RCAN1: variants seen among roughly 807,000 people sequenced by gnomAD.
RCAN1 encodes calcipressin-1.
Under a neutral mutation model 22.9 loss-of-function variants are expected in RCAN1, and 11 were observed. The ratio of observed to expected loss-of-function variants is 0.48; its 90% CI spans 0.30 to 0.79. The LOEUF (loss-of-function observed/expected upper bound fraction) is 0.79, where lower values mean the gene tolerates loss of function less well. Ranked by LOEUF, RCAN1 falls within the 30% of genes least tolerant of loss-of-function variation. The pLI is 0.06. For synonymous variants in RCAN1, 136 were observed against 142.3 expected, an observed-to-expected ratio of 0.96 and a Z score of 0.32; for missense variants, 291 against 337.8, an observed-to-expected ratio of 0.86 and a Z score of 1.09.
intron 1 of RCAN1, among the ~76,000 whole-genome samples, chr21:34,563,638 G>A (rs1986874341): frequency 6.6e-6 from 1 of 151,486 alleles, no homozygotes; most frequent in Non-Finnish European, 1.5e-5. Flanking sequence ...GCCAGGCACG[G>A]TGGCTCATGT....
At chr21:34,539,681 C>T (rs925520722) in intron 1 of RCAN1, among the ~76,000 whole-genome samples, 1 of 152,164 alleles carries the variant, frequency 6.6e-6, no homozygotes, top group African/African-American at 2.4e-5. Context: ...ATCGACTTTG[C>T]CTGTTTTTGT....
intron 1 of RCAN1, among the ~76,000 whole-genome samples, chr21:34,589,698 A>G (rs1987907956): frequency 8.1e-6 from 1 of 123,326 alleles, no homozygotes; most frequent in Non-Finnish European, 1.8e-5. Context: ...AACAAAAGGC[A>G]GGAGAACAAA....
intron 1 of RCAN1, among the ~76,000 whole-genome samples, chr21:34,601,495 T>C (rs547074440): frequency 6.6e-6 from 1 of 152,262 alleles, no homozygotes; most frequent in Non-Finnish European, 1.5e-5. Flanking sequence ...AGAACAACTC[T>C]AAACTAAGGT....
chr21:34,614,821 A>G lies in RCAN1; in HGVS notation c.191T>C (p.Leu64Pro). Residue 64 changes from leucine (L) to proline (P), a missense_variant, in exon 1 of 4, where the codon CTG becomes CCG. Leu to Pro is a moderately conservative substitution (Grantham distance 98, BLOSUM62 -3). Transcript: ENST00000313806. The surrounding 1 kb of genome is among the most constrained non-coding windows in gnomAD (Gnocchi z 6.0). ...CEMEEVDLQDLPSATIACHLD... is the reference protein window; with the variant it reads ...CEMEEVDLQDPPSATIACHLD... The stretch of plus-strand genomic sequence containing the variant: ...GTGACAGGCGATGGTGGCGCTGGGC[A>G]GGTCCTGCAGGTCCACCTCCTCCAT... 6.7e-7 allele frequency: 1 copy of G among 1,488,498 alleles called. No homozygotes were observed. The highest frequency in any genetic ancestry group is 8.9e-7 in the Non-Finnish European group (1 of 1,117,646). 92.2% of individuals were successfully genotyped at this position (1,488,498 alleles called of 1,614,324 possible).
chr21:34,521,929 G>A (rs6517238), intron 2 of RCAN1: 154,238 of 420,488 alleles, frequency 0.37, 29,610 homozygotes, highest in East Asian at 0.58. Context: ...TGACCTAGAT[G>A]GACAGAAAAT....
intron 2 of RCAN1, 150 bp downstream of exon 2, chr21:34,523,387 A>G: frequency 1.4e-6 from 1 of 717,430 alleles, no homozygotes; most frequent in East Asian, 2.8e-5. Context: ...AACAAGTGAG[A>G]CGCTGAACAT....
intron 1 of RCAN1, among the ~76,000 whole-genome samples, chr21:34,604,416 G>A (rs2123730019): frequency 6.6e-6 from 1 of 152,294 alleles, no homozygotes; most frequent in African/African-American, 2.4e-5. Context: ...ACAGGGATAA[G>A]CCACAGCACC....
chr21:34,531,677 C>T (rs774105154), intron 1 of RCAN1, among the ~76,000 whole-genome samples: 11 of 152,288 alleles, frequency 7.2e-5, no homozygotes, highest in Non-Finnish European at 1.6e-4. Flanking sequence ...TGTTCAAGGT[C>T]GTCTTGTGTC....
rs190155492 is a variant in RCAN1 at position 34,567,293 on chromosome 21, G to A, written c.253-43583C>T. ...GGAGGATCAGGAGGTCAGGAGAATC[G>A]AGACCATCCAGGCTAACATGGTGAA... On this transcript the variant is annotated intron_variant, in intron 1 of 3. Coordinates refer to ENST00000313806, the MANE Select transcript of RCAN1 (RefSeq NM_004414.7). Among the ~76,000 whole-genome samples, 323 of 152,222 alleles carry A rather than the reference G, an allele frequency of 2.1e-3. 3 individuals are homozygous for A. The highest frequency in any genetic ancestry group is 4.3e-3 in the Admixed American group (66 of 15,294).
intron 1 of RCAN1, among the ~76,000 whole-genome samples, chr21:34,547,827 C>T (rs998806066): frequency 2.6e-5 from 4 of 152,210 alleles, no homozygotes; most frequent in African/African-American, 7.2e-5. Flanking sequence ...TTAGACTTTT[C>T]AGCTTCCAGA....
rs776628545 is a variant in RCAN1 at position 34,521,457 on chromosome 21, G to A, written c.586+42C>T. On this transcript the variant is annotated intron_variant, in intron 3 of 3. Coordinates refer to ENST00000313806, the MANE Select transcript of RCAN1 (RefSeq NM_004414.7). The stretch of plus-strand genomic sequence containing the variant: ...TGCTCCCTGGTGCAGGGCAGCAGCT[G>A]TGTCTCCCCCTGCCTCCCTCCCACC... The A allele has an allele frequency of 9.3e-6, 15 of 1,613,370 alleles. No individual in the cohort carries two copies. In the Admixed American group the frequency reaches 1.5e-4, roughly 16 times the overall value.
At chr21:34,607,688 C>A (rs913142661) in intron 1 of RCAN1, among the ~76,000 whole-genome samples, 4 of 149,774 alleles carry the variant, frequency 2.7e-5, no homozygotes, top group Non-Finnish European at 5.9e-5. Flanking sequence ...TCTTAATATG[C>A]ATTTCTAAAC....
At chr21:34,600,439 G>A (rs975590723) in intron 1 of RCAN1, among the ~76,000 whole-genome samples, 8 of 152,096 alleles carry the variant, frequency 5.3e-5, no homozygotes, top group Non-Finnish European at 1.2e-4. Context: ...TTTCTGAAAA[G>A]GTCTGTTTTT....
chr21:34,595,983 G>T (rs960168681), intron 1 of RCAN1, among the ~76,000 whole-genome samples: 4 of 152,198 alleles, frequency 2.6e-5, no homozygotes, highest in African/African-American at 9.7e-5. Flanking sequence ...GAGCAGAGGG[G>T]GCCCTTCCTG....
At chr21:34,608,766 C>T (rs938997364) in intron 1 of RCAN1, among the ~76,000 whole-genome samples, 4 of 152,042 alleles carry the variant, frequency 2.6e-5, no homozygotes, top group African/African-American at 9.7e-5. Flanking sequence ...ATATACAGAC[C>T]CAATCACTCT....
At chr21:34,554,323 T>C (rs749969116) in intron 1 of RCAN1, among the ~76,000 whole-genome samples, 2 of 152,244 alleles carry the variant, frequency 1.3e-5, no homozygotes, top group Non-Finnish European at 1.5e-5. Context: ...AACTACCTAC[T>C]AGCAAGTCAT....
chr21:34,569,301 G>T (rs1422528029), intron 1 of RCAN1, among the ~76,000 whole-genome samples: 3 of 152,220 alleles, frequency 2.0e-5, no homozygotes, highest in African/African-American at 2.4e-5. Context: ...CAAGTGCAGA[G>T]AGAGAATTTT....
intron 1 of RCAN1, among the ~76,000 whole-genome samples, chr21:34,575,957 A>G (rs1316261374): frequency 6.6e-6 from 1 of 152,192 alleles, no homozygotes; most frequent in Non-Finnish European, 1.5e-5. Flanking sequence ...GTCTAGCACT[A>G]GAGTCTGGGT....
At chr21:34,539,711 G>A (rs1985837389) in intron 1 of RCAN1, among the ~76,000 whole-genome samples, 1 of 152,192 alleles carries the variant, frequency 6.6e-6, no homozygotes, top group South Asian at 2.1e-4. Context: ...TGGTATCACG[G>A]CTTTTAATAT....
Sources: gnomAD v4.1 joint callset for allele counts (sites outside exome capture counted in the v4.1 genomes callset) on GRCh38, gnomAD v4.1.1 for gene constraint, Gnocchi (gnomAD v3.1) non-coding constraint, MANE v1.5 for transcripts, NCBI Gene and HGNC (gene_info 2026-07-23, HGNC 2026-07-21) for gene names.